SMG6: variants seen among roughly 807,000 people sequenced by gnomAD.
SMG6 encodes the protein telomerase-binding protein EST1A.
In SMG6, 66 loss-of-function variants were observed where a neutral mutation model predicts 142.2. The observed-to-expected ratio is 0.46, with a 90% confidence interval of 0.38 to 0.57. SMG6 has a LOEUF of 0.57. Ranked by LOEUF, SMG6 falls within the 20% of genes least tolerant of loss-of-function variation. SMG6 has a pLI of 0.00. For missense variants in SMG6, 1,793 were observed against 1,832.0 expected (o/e 0.98, Z 0.39); for synonymous variants, 779 against 702.4 (o/e 1.11, Z -1.72).
intron 8 of SMG6, among the ~76,000 whole-genome samples, chr17:2,258,222 C>T (rs2074236083): frequency 1.3e-5 from 2 of 152,046 alleles, no homozygotes; most frequent in Admixed American, 1.3e-4. Flanking sequence ...GGTTAATTGA[C>T]TTGCCTAGAG....
At chr17:2,125,516 G>T in intron 13 of SMG6, among the ~76,000 whole-genome samples, 1 of 152,114 alleles carries the variant, frequency 6.6e-6, no homozygotes, top group East Asian at 1.9e-4. Context: ...TCCAATAAAT[G>T]GAAAAACATT....
At chr17:2,176,594 G>C (rs1420278790) in intron 12 of SMG6, among the ~76,000 whole-genome samples, 1 of 152,164 alleles carries the variant, frequency 6.6e-6, no homozygotes, top group African/African-American at 2.4e-5. Flanking sequence ...AAAGCAGCCA[G>C]AGAATACGCA....
At chr17:2,137,637 G>T (rs2070346741) in intron 13 of SMG6, among the ~76,000 whole-genome samples, 1 of 152,086 alleles carries the variant, frequency 6.6e-6, no homozygotes, top group Admixed American at 6.6e-5. Context: ...AAGTGAGAAT[G>T]AAGGGATAAA....
chr17:2,252,180 G>A (rs2074061428), intron 8 of SMG6, among the ~76,000 whole-genome samples: 1 of 152,162 alleles, frequency 6.6e-6, no homozygotes, highest in South Asian at 2.1e-4. Flanking sequence ...TTGGGAGGCT[G>A]AGGTGGGCAG....
chr17:2,174,102 G>C (rs1389257501), intron 12 of SMG6, among the ~76,000 whole-genome samples: 2 of 152,190 alleles, frequency 1.3e-5, no homozygotes, highest in African/African-American at 2.4e-5. Context: ...AAAGAGAGCT[G>C]TAAGAATCAT....
At chr17:2,125,724 G>A (rs1175767735) in intron 13 of SMG6, among the ~76,000 whole-genome samples, 4 of 152,128 alleles carry the variant, frequency 2.6e-5, no homozygotes, top group African/African-American at 9.7e-5. Context: ...AGGCCAAAGC[G>A]GGCAGATTGC....
intron 12 of SMG6, among the ~76,000 whole-genome samples, chr17:2,174,540 C>A (rs1241791289): frequency 3.9e-5 from 6 of 152,154 alleles, no homozygotes; most frequent in Non-Finnish European, 8.8e-5. Flanking sequence ...CAAGAGTGTC[C>A]TGGGAACCAG....
intron 12 of SMG6, among the ~76,000 whole-genome samples, chr17:2,186,072 CA>C (rs1355710737): frequency 6.6e-6 from 1 of 151,642 alleles, no homozygotes; most frequent in African/African-American, 2.4e-5. Context: ...CCGAAAAATA[CA>C]AAAAATGAGC....
At position 2,172,794 on chromosome 17, in the gene SMG6, G is replaced by C. The variant is rs769122296; in HGVS notation, c.3221C>G (p.Ser1074Cys). 2 of 1,614,124 alleles carry C rather than the reference G, an allele frequency of 1.2e-6. No individual in the cohort carries two copies. The highest frequency in any genetic ancestry group is 2.2e-5 in the East Asian group (1 of 44,878). Residue 1074 changes from serine to cysteine, a missense_variant, in exon 13 of 19, where the codon TCT becomes TGT. By Grantham distance (112) the Ser-to-Cys change is moderately radical (BLOSUM62 -1). Transcript: ENST00000263073. The part of the protein sequence containing the change: ...FCNILTAVNQ[S>C]EVPLYKDPDD... ...CGGGTCCTTGTACAGTGGCACCTCA[G>C]ACTGATTCACTGCAGTCAGTATGTT...
At chr17:2,187,396 G>A (rs2072022999) in intron 11 of SMG6, among the ~76,000 whole-genome samples, 3 of 152,126 alleles carry the variant, frequency 2.0e-5, no homozygotes, top group Non-Finnish European at 4.4e-5. Flanking sequence ...AGAAATTAGG[G>A]CAACTGGCAC....
chr17:2,094,768 T>C (rs2068812334), intron 13 of SMG6: 1 of 152,150 alleles, frequency 6.6e-6, no homozygotes, highest in Non-Finnish European at 1.5e-5. Context: ...ATCCCCAATA[T>C]GGTATTTTCT....
At chr17:2,150,943 C>T (rs2070808357) in intron 13 of SMG6, among the ~76,000 whole-genome samples, 1 of 151,666 alleles carries the variant, frequency 6.6e-6, no homozygotes, top group South Asian at 2.1e-4. Context: ...TCTACCTGTA[C>T]ATCTGTTTCC....
At chr17:2,236,449 C>G in intron 10 of SMG6, 43 bp downstream of exon 10, 2 of 1,510,322 alleles carry the variant, frequency 1.3e-6, no homozygotes, top group Non-Finnish European at 1.8e-6. Flanking sequence ...ACATTAATCT[C>G]TATCTGTCTA....
intron 13 of SMG6, among the ~76,000 whole-genome samples, chr17:2,121,353 C>T (rs2760737): frequency 0.36 from 53,942 of 151,798 alleles, 10,268 homozygotes; most frequent in African/African-American, 0.49. Context: ...TGTAACAACA[C>T]AGAGGAATCT....
Position 2,114,968 on chromosome 17 carries a change from ATG to A in SMG6, c.3358-29069_3358-29068del, listed in dbSNP as rs1491379812. Among the ~76,000 whole-genome samples the A allele has an allele frequency of 6.8e-5, 8 of 118,446 alleles. No homozygotes were observed. The South Asian group carries it at 7.9e-4, about 12-fold the overall frequency. 77.7% of individuals were successfully genotyped at this position (118,446 alleles called of 152,430 possible). ...AAATAAAATAAAAAAATGAAATGAA[ATG>A]AAATAAAATAAAATAAAATAAAATA... is the stretch of plus-strand genomic sequence containing the variant. On this transcript the variant is annotated intron_variant, in intron 13 of 18. Coordinates refer to ENST00000263073, the MANE Select transcript of SMG6 (RefSeq NM_017575.5).
intron 13 of SMG6, among the ~76,000 whole-genome samples, chr17:2,117,073 G>A (rs573944993): frequency 5.3e-5 from 8 of 151,182 alleles, no homozygotes; most frequent in South Asian, 2.1e-4. Flanking sequence ...AATACTTCTA[G>A]ACAGTCACCA....
intron 13 of SMG6, among the ~76,000 whole-genome samples, chr17:2,161,624 T>C (rs1025180611): frequency 2.0e-5 from 3 of 151,972 alleles, no homozygotes; most frequent in African/African-American, 7.3e-5. Flanking sequence ...ACTACTCTTA[T>C]ATTTTTGCCC....
chr17:2,246,180 GA>G (rs2073922740), intron 8 of SMG6, among the ~76,000 whole-genome samples: 1 of 152,114 alleles, frequency 6.6e-6, no homozygotes, highest in South Asian at 2.1e-4. Flanking sequence ...ACAAGGGAGG[GA>G]AAAAAATTTC....
Position 2,061,392 on chromosome 17 carries a change from G to T in SMG6, c.*100C>A. ...AAGAGGATGGTTTATTGTCTGGGTGGATTGGTGGCTCAGGCACGTGGGCAT... is the reference window on the plus strand; with the variant it reads ...AAGAGGATGGTTTATTGTCTGGGTGTATTGGTGGCTCAGGCACGTGGGCAT... On this transcript the variant is annotated 3_prime_UTR_variant, in exon 19 of 19. Transcript: ENST00000263073. 8.4e-7 allele frequency: 1 copy of T among 1,193,532 alleles called. No individual in the cohort carries two copies. Among genetic ancestry groups the T allele is most frequent in the Non-Finnish European group, 1.2e-6 (1 of 855,140 alleles). The allele number at this position is 1,193,532 out of a possible 1,614,324, so 73.9% of individuals were successfully genotyped here.
Sources: gnomAD v4.1 joint callset for allele counts (sites outside exome capture counted in the v4.1 genomes callset) on GRCh38, gnomAD v4.1.1 for gene constraint, MANE v1.5 for transcripts, NCBI Gene and HGNC (gene_info 2026-07-23, HGNC 2026-07-21) for gene names.